RBM26: variants seen among roughly 807,000 people sequenced by gnomAD.
RBM26 encodes RNA-binding protein 26.
Under a neutral mutation model 123.6 loss-of-function variants are expected in RBM26, and 30 were observed. The observed-to-expected ratio is 0.24, with a 90% CI of 0.18 to 0.33. The LOEUF (loss-of-function observed/expected upper bound fraction) is 0.33. RBM26 is among the 10% of genes least tolerant of loss of function. The pLI is 1.00. For missense variants in RBM26, 947 were observed against 1,203.6 expected (o/e 0.79, Z 3.15); for synonymous variants, 400 against 404.4 (o/e 0.99, Z 0.13).
At chr13:79,384,418 T>C (rs1594611288) in intron 1 of RBM26, among the ~76,000 whole-genome samples, 1 of 152,054 alleles carries the variant, frequency 6.6e-6, no homozygotes, top group African/African-American at 2.4e-5. Context: ...CAACTACACC[T>C]GGCTAATTTT....
Position 79,392,708 on chromosome 13 carries a change from A to G in RBM26, c.71+12996T>C, listed in dbSNP as rs368441003. Among the ~76,000 whole-genome samples, 223 of 151,034 alleles carry G rather than the reference A, an allele frequency of 1.5e-3. 2 individuals are homozygous for G. Among genetic ancestry groups the G allele is most frequent in the African/African-American group, 5.3e-3 (220 of 41,216 alleles). Reference sequence around the variant, plus strand: ...GGCTGGATGTGGAACATCACAAGAGACCACTGCTCTCACCCCAACAAGAAA... The same window carrying G: ...GGCTGGATGTGGAACATCACAAGAGGCCACTGCTCTCACCCCAACAAGAAA... On this transcript the variant is annotated intron_variant, in intron 1 of 21. Coordinates refer to ENST00000438737, the MANE Select transcript of RBM26 (RefSeq NM_001366735.2).
intron 1 of RBM26, among the ~76,000 whole-genome samples, chr13:79,403,726 C>CAAT (rs1401217225): frequency 2.6e-5 from 4 of 152,200 alleles, no homozygotes; most frequent in Admixed American, 2.0e-4. Flanking sequence ...GCCAGACATT[C>CAAT]TGCTCCAGAG....
intron 5 of RBM26, 144 bp from the exon 6 acceptor site, chr13:79,369,134 C>T: frequency 2.0e-6 from 1 of 494,122 alleles, no homozygotes; most frequent in East Asian, 3.4e-5. Flanking sequence ...AAAAAATATT[C>T]AATTAATATA....
At chr13:79,382,553 T>C (rs1194823662) in intron 1 of RBM26, among the ~76,000 whole-genome samples, 3 of 152,094 alleles carry the variant, frequency 2.0e-5, no homozygotes. Flanking sequence ...TGTGTGTGTG[T>C]TGGGGCTGGT....
Position 79,371,176 on chromosome 13 carries a change from T to G in RBM26, c.417-14A>C. 6.3e-7 allele frequency: 1 copy of G among 1,596,282 alleles called. No homozygotes were observed. The highest frequency in any genetic ancestry group is 8.6e-7 in the Non-Finnish European group (1 of 1,165,594). On this transcript the variant is annotated splice_polypyrimidine_tract_variant and intron_variant, in intron 4 of 21. Coordinates refer to ENST00000438737, the MANE Select transcript of RBM26 (RefSeq NM_001366735.2). ...TCATCACGGCTTCTAAAGAAATATG[T>G]GATCACTTTAATACAAATAATTTTT...
At chr13:79,363,158 C>T (rs902044842) in intron 9 of RBM26, among the ~76,000 whole-genome samples, 5 of 152,012 alleles carry the variant, frequency 3.3e-5, no homozygotes, top group South Asian at 2.1e-4. Flanking sequence ...ATCAAAGGGC[C>T]CAAATTTCTT....
chr13:79,320,562 G>A lies in RBM26; in HGVS notation c.*59C>T, dbSNP rs1194374342. ...TTTACAAATATGTAAAAGTACATTA[G>A]ATAATACTAATGAAACACAGGTAGA... On this transcript the variant is annotated 3_prime_UTR_variant, in exon 22 of 22. Transcript: ENST00000438737. 1.4e-6 allele frequency: 2 copies of A among 1,448,910 alleles called. No individual in the cohort carries two copies. The highest frequency in any genetic ancestry group is 2.6e-5 in the Admixed American group (1 of 38,678). 89.8% of individuals were successfully genotyped at this position (1,448,910 alleles called of 1,614,324 possible). A position where few individuals can be genotyped will look rare whatever the true frequency, so the allele number is the denominator to read the frequency against.
At chr13:79,367,486 C>T (rs1483120533) in intron 6 of RBM26, among the ~76,000 whole-genome samples, 4 of 149,806 alleles carry the variant, frequency 2.7e-5, no homozygotes, top group African/African-American at 7.3e-5. Flanking sequence ...GAGGTGGGGC[C>T]TGGTAGGAGG....
chr13:79,329,457 C>T (rs2068959494), intron 20 of RBM26, among the ~76,000 whole-genome samples: 1 of 151,860 alleles, frequency 6.6e-6, no homozygotes, highest in East Asian at 1.9e-4. Flanking sequence ...GTCTAAATAT[C>T]TTTGCCTAAT....
chr13:79,373,711 A>ATT (rs2076376688), intron 3 of RBM26, among the ~76,000 whole-genome samples: 1 of 54,566 alleles, frequency 1.8e-5, no homozygotes, highest in Non-Finnish European at 5.3e-5. Context: ...TTATATATAT[A>ATT]TATTACTATA....
chr13:79,360,044 C>G (rs952042117), intron 9 of RBM26, among the ~76,000 whole-genome samples: 2 of 152,076 alleles, frequency 1.3e-5, no homozygotes, highest in African/African-American at 4.8e-5. Context: ...CATCCCCTAT[C>G]ATCCCAAGAA....
chr13:79,363,245 A>C (rs531363633), intron 9 of RBM26, among the ~76,000 whole-genome samples: 5 of 152,326 alleles, frequency 3.3e-5, no homozygotes, highest in African/African-American at 1.2e-4. Flanking sequence ...TAATAAGTCT[A>C]TGACAAATTT....
intron 1 of RBM26, among the ~76,000 whole-genome samples, chr13:79,405,329 G>A (rs976405726): frequency 2.6e-5 from 4 of 152,080 alleles, no homozygotes; most frequent in Non-Finnish European, 5.9e-5. Context: ...AGAACTGCCC[G>A]AATCCCCAAT....
At chr13:79,379,982 T>G (rs1281446881) in intron 1 of RBM26, among the ~76,000 whole-genome samples, 1 of 152,140 alleles carries the variant, frequency 6.6e-6, no homozygotes, top group African/African-American at 2.4e-5. Flanking sequence ...AATATGAAAA[T>G]GTATTCTGGT....
intron 14 of RBM26, among the ~76,000 whole-genome samples, chr13:79,348,240 A>G (rs1304897505): frequency 1.3e-5 from 2 of 152,078 alleles, no homozygotes; most frequent in African/African-American, 4.8e-5. Context: ...GTATATTGTC[A>G]GGTTTGGTAT....
At chr13:79,377,876 C>G (rs1318209290) in intron 2 of RBM26, among the ~76,000 whole-genome samples, 1 of 151,856 alleles carries the variant, frequency 6.6e-6, no homozygotes, top group Non-Finnish European at 1.5e-5. Flanking sequence ...CCACTGCACT[C>G]AAGATCACGC....
At chr13:79,365,773 T>C in intron 8 of RBM26, 55 bp from the exon 9 acceptor site, 1 of 1,493,594 alleles carries the variant, frequency 6.7e-7, no homozygotes, top group Non-Finnish European at 9.1e-7. Context: ...ACTTGGTAAT[T>C]TTTTAATATT....
At chr13:79,387,292 T>A (rs1041334789) in intron 1 of RBM26, among the ~76,000 whole-genome samples, 4 of 150,534 alleles carry the variant, frequency 2.7e-5, no homozygotes, top group Non-Finnish European at 4.4e-5. Context: ...TGAACTATGA[T>A]AAAAAAAAAT....
chr13:79,384,389 C>T (rs2140302568), intron 1 of RBM26, among the ~76,000 whole-genome samples: 1 of 152,026 alleles, frequency 6.6e-6, no homozygotes, highest in East Asian at 1.9e-4. Context: ...TCCCCAGTAG[C>T]TAGGACTACA....
Sources: gnomAD v4.1 joint callset for allele counts (sites outside exome capture counted in the v4.1 genomes callset) on GRCh38, gnomAD v4.1.1 for gene constraint, MANE v1.5 for transcripts, NCBI Gene and HGNC (gene_info 2026-07-23, HGNC 2026-07-21) for gene names.